Variants in NBEA observed in about 807,000 individuals in gnomAD.
The protein encoded by NBEA is neurobeachin, also known as lysosomal-trafficking regulator 2.
In NBEA, 44 loss-of-function variants were observed where a neutral mutation model predicts 343.4. The observed-to-expected ratio is 0.13, with a 90% CI of 0.10 to 0.16. The LOEUF (loss-of-function observed/expected upper bound fraction) is 0.16. NBEA is among the 10% of genes least tolerant of loss of function. NBEA has a pLI of 1.00. For synonymous variants in NBEA, 1,175 were observed against 1,238.7 expected (o/e 0.95, Z 1.08); for missense variants, 2,555 against 3,631.3 (o/e 0.70, Z 7.62).
At chr13:35,344,448 A>T (rs2039760173) in intron 36 of NBEA, among the ~76,000 whole-genome samples, 1 of 151,984 alleles carries the variant, frequency 6.6e-6, no homozygotes, top group Admixed American at 6.6e-5. Context: ...GAAAAATAAG[A>T]TACAGTGGAG....
At chr13:35,296,371 AC>A (rs35352061) in intron 35 of NBEA, among the ~76,000 whole-genome samples, 1 of 149,220 alleles carries the variant, frequency 6.7e-6, no homozygotes, top group Non-Finnish European at 1.5e-5. Context: ...ACAGAGCGAG[AC>A]TCAGTCTCAA....
chr13:35,187,313 A>C (rs2152734687), intron 30 of NBEA, among the ~76,000 whole-genome samples: 1 of 151,932 alleles, frequency 6.6e-6, no homozygotes, highest in African/African-American at 2.4e-5. Context: ...GTAATCCCTT[A>C]GTTCAGACTC....
At chr13:35,476,509 T>G in intron 41 of NBEA, 1 of 660,858 alleles carries the variant, frequency 1.5e-6, no homozygotes, top group Non-Finnish European at 2.7e-6. Context: ...AAAGTTGCGC[T>G]GAGACCCAGC....
chr13:35,341,619 G>A (rs2265205), intron 36 of NBEA, among the ~76,000 whole-genome samples: 126,831 of 152,018 alleles, frequency 0.83, 53,114 homozygotes, highest in South Asian at 0.94. Flanking sequence ...AGACATACAG[G>A]TGGCCAATGG....
intron 17 of NBEA, among the ~76,000 whole-genome samples, chr13:35,131,072 A>G (rs1403332108): frequency 6.6e-6 from 1 of 152,126 alleles, no homozygotes; most frequent in Non-Finnish European, 1.5e-5. Context: ...TGCTTACCTC[A>G]TTAATTGTCA....
At chr13:35,278,736 A>G (rs917340820) in intron 34 of NBEA, among the ~76,000 whole-genome samples, 15 of 152,208 alleles carry the variant, frequency 9.9e-5, no homozygotes, top group African/African-American at 3.6e-4. Context: ...GGGATACTCA[A>G]GACAGAAAGA....
Position 35,655,617 on chromosome 13 carries a change from G to A in NBEA, c.8230G>A (p.Val2744Ile). Residue 2744 changes from valine to isoleucine, a missense_variant, in exon 55 of 59, where the codon GTC becomes ATC. Physicochemically the swap from Val to Ile is conservative, Grantham distance 29. Around this residue, in one of 21 missense-constraint regions of NBEA, gnomAD observed 186 missense variants for 328.9 expected, o/e 0.57. Coordinates refer to ENST00000379939, the MANE Select transcript of NBEA (RefSeq NM_001385012.1). ...TQIVFGHWDV[V>I]TCLARSESYI... is the part of the protein sequence containing the mutation. Reference sequence around the variant, plus strand: ...GATTGTATTTGGCCATTGGGATGTGGTCACTTGCTTGGCCAGGTCCGAGTC... The same window carrying A: ...GATTGTATTTGGCCATTGGGATGTGATCACTTGCTTGGCCAGGTCCGAGTC... 1.9e-6 allele frequency: 3 copies of A among 1,613,864 alleles called. No individual in the cohort carries two copies. Among genetic ancestry groups the A allele is most frequent in the Non-Finnish European group, 1.7e-6 (2 of 1,179,860 alleles).
chr13:35,277,648 A>AAGG (rs1566556833), intron 34 of NBEA, among the ~76,000 whole-genome samples: 1 of 128,762 alleles, frequency 7.8e-6, no homozygotes, highest in African/African-American at 2.7e-5. Context: ...AAAAAAAAAA[A>AAGG]GTGGGGGAAA....
intron 13 of NBEA, among the ~76,000 whole-genome samples, chr13:35,116,089 A>G (rs2152667330): frequency 6.6e-6 from 1 of 152,296 alleles, no homozygotes; most frequent in South Asian, 2.1e-4. Flanking sequence ...GCAGGGCAGG[A>G]TGGGACCACA....
intron 41 of NBEA, among the ~76,000 whole-genome samples, chr13:35,531,557 C>A (rs2078264089): frequency 6.6e-6 from 1 of 152,118 alleles, no homozygotes; most frequent in South Asian, 2.1e-4. Context: ...AATCCTAGCC[C>A]TTACCTTTCC....
intron 1 of NBEA, among the ~76,000 whole-genome samples, chr13:34,978,409 ATTTT>A (rs2060250345): frequency 6.6e-6 from 1 of 152,076 alleles, no homozygotes; most frequent in African/African-American, 2.4e-5. Context: ...CGATCTGTCT[ATTTT>A]TTCTGGATCC....
chr13:35,297,537 A>T (rs1318655485), intron 35 of NBEA, among the ~76,000 whole-genome samples: 1 of 152,040 alleles, frequency 6.6e-6, no homozygotes, highest in Admixed American at 6.6e-5. Context: ...ATTTAAAATC[A>T]TACATTGTTT....
intron 38 of NBEA, among the ~76,000 whole-genome samples, chr13:35,424,995 A>G (rs933150493): frequency 1.6e-4 from 24 of 151,624 alleles, no homozygotes; most frequent in Non-Finnish European, 1.8e-4. Context: ...GTGGTGATAT[A>G]CCCTTTATCA....
At chr13:35,501,850 T>G (rs1436459804) in intron 41 of NBEA, among the ~76,000 whole-genome samples, 1 of 152,140 alleles carries the variant, frequency 6.6e-6, no homozygotes, top group Non-Finnish European at 1.5e-5. Flanking sequence ...GGGGAACCCC[T>G]ATTAATCCTT....
chr13:35,123,459 A>G (rs1340665608), intron 16 of NBEA, 23 bp from the exon 17 acceptor site: 4 of 1,362,880 alleles, frequency 2.9e-6, no homozygotes, highest in Non-Finnish European at 3.9e-6. Context: ...AAGTTTTTAA[A>G]AGATAATTTA....
At chr13:35,150,437 C>G (rs1034326745) in intron 18 of NBEA, among the ~76,000 whole-genome samples, 10 of 152,076 alleles carry the variant, frequency 6.6e-5, no homozygotes, top group Admixed American at 3.9e-4. Flanking sequence ...AACATCACAT[C>G]TTTTGCTGTG....
chr13:35,354,476 T>C (rs2040383099), intron 38 of NBEA, among the ~76,000 whole-genome samples: 1 of 152,176 alleles, frequency 6.6e-6, no homozygotes, highest in Non-Finnish European at 1.5e-5. Context: ...ACATGTCAGA[T>C]GCGTCCTGTG....
At chr13:35,528,783 AAG>A (rs1158372161) in intron 41 of NBEA, among the ~76,000 whole-genome samples, 4 of 152,182 alleles carry the variant, frequency 2.6e-5, no homozygotes, top group Non-Finnish European at 5.9e-5. Context: ...CCATTATCTT[AAG>A]AGAGAAAAAC....
chr13:35,488,248 T>G (rs147678451), intron 41 of NBEA, among the ~76,000 whole-genome samples: 1 of 152,044 alleles, frequency 6.6e-6, no homozygotes, highest in East Asian at 1.9e-4. Context: ...TTTAATGAAT[T>G]TAATGTTTTT....
Sources: allele counts gnomAD v4.1 joint callset (sites outside exome capture counted in the v4.1 genomes callset), GRCh38; gene constraint gnomAD v4.1.1; regional missense constraint gnomAD v4.1.1; transcripts MANE v1.5; gene names NCBI Gene and HGNC (gene_info 2026-07-23, HGNC 2026-07-21).